Variants in ADGRL3 observed in about 807,000 individuals in gnomAD.
ADGRL3 encodes the protein adhesion G protein-coupled receptor L3, also known as calcium-independent alpha-latrotoxin receptor 3.
A neutral mutation model predicts 153.5 loss-of-function variants in ADGRL3; 62 were observed. That is an observed-to-expected ratio of 0.40 (90% CI 0.33 to 0.50). The LOEUF (loss-of-function observed/expected upper bound fraction) is 0.50, where lower values mean the gene tolerates loss of function less well. ADGRL3 is among the 20% of genes least tolerant of loss of function. The pLI is 0.47. For missense variants in ADGRL3, 1,641 were observed against 1,859.4 expected (o/e 0.88, Z 2.16); for synonymous variants, 710 against 672.5 (o/e 1.06, Z -0.86).
chr4:61,507,179 C>A (rs959308041), intron 3 of ADGRL3, among the ~76,000 whole-genome samples: 2 of 152,024 alleles, frequency 1.3e-5, no homozygotes, highest in African/African-American at 2.4e-5. Flanking sequence ...ACCATGCAGA[C>A]CTTCAGGGCA....
Position 61,963,684 on chromosome 4 carries a change from TC to T in ADGRL3, c.2805+15410del, listed in dbSNP as rs577650923. 8.1e-4 allele frequency among the ~76,000 whole-genome samples: 124 copies of T among 152,306 alleles called. 1 individual carries two copies. The highest frequency in any genetic ancestry group is 2.8e-3 in the African/African-American group (118 of 41,564). On this transcript the variant is annotated intron_variant, in intron 17 of 26. Transcript: ENST00000683033. ...ACCATTAATGGGCATCTAGGTTGAT[TC>T]CATGTATTTGCTATTATGAATAGTG... is the stretch of plus-strand genomic sequence containing the variant.
chr4:61,404,425 A>G (rs1578671174), intron 2 of ADGRL3, among the ~76,000 whole-genome samples: 2 of 152,016 alleles, frequency 1.3e-5, no homozygotes, highest in South Asian at 4.1e-4. Context: ...CTGCTTTCCA[A>G]TTGCAACTGA....
chr4:61,990,958 G>A (rs2099101595), intron 19 of ADGRL3, among the ~76,000 whole-genome samples: 1 of 80,220 alleles, frequency 1.2e-5, no homozygotes, highest in African/African-American at 5.5e-5. Flanking sequence ...GAAACTGTGT[G>A]TGTGTGTGTG....
chr4:61,806,680 A>C (rs948813214), intron 8 of ADGRL3, among the ~76,000 whole-genome samples: 2 of 152,026 alleles, frequency 1.3e-5, no homozygotes, highest in African/African-American at 4.8e-5. Flanking sequence ...TTTGTTGTAA[A>C]GTTTTGATAG....
chr4:61,790,805 G>A (rs1397920579), intron 8 of ADGRL3, among the ~76,000 whole-genome samples: 1 of 152,138 alleles, frequency 6.6e-6, no homozygotes. Flanking sequence ...CACAATCATG[G>A]GAGAAGGCAA....
At chr4:61,322,885 G>A (rs967260522) in intron 1 of ADGRL3, among the ~76,000 whole-genome samples, 40 of 152,208 alleles carry the variant, frequency 2.6e-4, no homozygotes, top group African/African-American at 8.9e-4. Context: ...ACTAGGTGGT[G>A]CCCCAGTAGG....
At chr4:61,700,215 T>C (rs2151291634) in intron 6 of ADGRL3, among the ~76,000 whole-genome samples, 1 of 152,318 alleles carries the variant, frequency 6.6e-6, no homozygotes, top group Admixed American at 6.5e-5. Flanking sequence ...ATTCTTTCTA[T>C]ATTCAGAGTA....
intron 21 of ADGRL3, among the ~76,000 whole-genome samples, chr4:62,017,784 T>C (rs1207917905): frequency 2.6e-5 from 4 of 152,206 alleles, no homozygotes; most frequent in South Asian, 2.1e-4. Context: ...GAAGAAAGCA[T>C]GGTTCCTTTC....
At chr4:61,879,912 CAG>C (rs541776358) in intron 9 of ADGRL3, among the ~76,000 whole-genome samples, 185 of 151,916 alleles carry the variant, frequency 1.2e-3, no homozygotes, top group Middle Eastern at 0.01. Context: ...TTAGTACAGA[CAG>C]GGGGTCTTGC....
At chr4:61,711,491 T>TATATAC (rs757078842) in intron 6 of ADGRL3, among the ~76,000 whole-genome samples, 53 of 89,192 alleles carry the variant, frequency 5.9e-4, no homozygotes, top group Middle Eastern at 5.7e-3. Context: ...TATATATATA[T>TATATAC]ACACACACAC....
At chr4:61,947,599 C>T (rs1002712696) in intron 16 of ADGRL3, among the ~76,000 whole-genome samples, 8 of 152,076 alleles carry the variant, frequency 5.3e-5, no homozygotes, top group Admixed American at 5.2e-4. Flanking sequence ...TGTTGCATAC[C>T]TTAAATATTC....
intron 13 of ADGRL3, among the ~76,000 whole-genome samples, chr4:61,924,777 T>C (rs1475585516): frequency 1.3e-5 from 2 of 152,226 alleles, no homozygotes; most frequent in African/African-American, 4.8e-5. Context: ...TTGTCTTTTT[T>C]TGAATTGTTA....
chr4:62,040,344 A>G (rs1224345431), intron 24 of ADGRL3, among the ~76,000 whole-genome samples: 3 of 151,930 alleles, frequency 2.0e-5, no homozygotes, highest in African/African-American at 7.2e-5. Flanking sequence ...TTGGAAAATA[A>G]TTTACATTTT....
At chr4:61,434,994 G>T (rs563815204) in intron 2 of ADGRL3, among the ~76,000 whole-genome samples, 1 of 152,026 alleles carries the variant, frequency 6.6e-6, no homozygotes, top group Non-Finnish European at 1.5e-5. Flanking sequence ...TCTATGAGAA[G>T]TTTTCAGACA....
chr4:61,568,588 A>T (rs900728654), intron 4 of ADGRL3, among the ~76,000 whole-genome samples: 1 of 152,142 alleles, frequency 6.6e-6, no homozygotes, highest in African/African-American at 2.4e-5. Flanking sequence ...AAAAGTGGTG[A>T]AGTCAGGATT....
rs181359595 is a variant in ADGRL3, at chr4:61,314,016, G to A, written c.-239-69108G>A. ...CAGAGAAAATCCAGAAACACAGGGAGAATGTGCAAGCTCCACACAGAGAGT... is the reference window on the plus strand; with the variant it reads ...CAGAGAAAATCCAGAAACACAGGGAAAATGTGCAAGCTCCACACAGAGAGT... On this transcript the variant is annotated intron_variant, in intron 1 of 26. Transcript: ENST00000683033. Among the ~76,000 whole-genome samples the A allele has an allele frequency of 2.4e-3, 362 of 152,224 alleles. 1 individual carries two copies. Among genetic ancestry groups the A allele is most frequent in the Non-Finnish European group, 4.1e-3 (280 of 68,008 alleles).
intron 9 of ADGRL3, among the ~76,000 whole-genome samples, chr4:61,885,759 A>G (rs1332550397): frequency 1.3e-5 from 2 of 152,210 alleles, no homozygotes; most frequent in Non-Finnish European, 2.9e-5. Flanking sequence ...TCATGATCCT[A>G]TCAATTACCA....
intron 9 of ADGRL3, among the ~76,000 whole-genome samples, chr4:61,861,639 C>T (rs1156511053): frequency 2.0e-5 from 3 of 151,820 alleles, no homozygotes; most frequent in Admixed American, 6.6e-5. Flanking sequence ...AAAATGAATT[C>T]TTGTCATGAG....
intron 1 of ADGRL3, among the ~76,000 whole-genome samples, chr4:61,263,534 C>G (rs201566415): frequency 6.6e-6 from 1 of 150,714 alleles, no homozygotes; most frequent in Non-Finnish European, 1.5e-5. Context: ...TTTCATTTTA[C>G]AAAAAGTATA....
Sources: gnomAD v4.1 joint callset for allele counts (sites outside exome capture counted in the v4.1 genomes callset) on GRCh38, gnomAD v4.1.1 for gene constraint, MANE v1.5 for transcripts, NCBI Gene and HGNC (gene_info 2026-07-23, HGNC 2026-07-21) for gene names.